RNF152: variants seen among roughly 807,000 people sequenced by gnomAD.
The protein encoded by RNF152 is E3 ubiquitin-protein ligase RNF152.
In RNF152, 11 loss-of-function variants were observed where a neutral mutation model predicts 12.7. The observed-to-expected ratio is 0.86, with a 90% CI of 0.54 to 1.43. RNF152 has a LOEUF of 1.43. RNF152 is among the 40% of genes most tolerant of loss of function. The probability of loss-of-function intolerance (pLI) is 0.00; values close to 1 mark genes in which losing one functional copy is unlikely to be tolerated. For missense variants in RNF152, 255 were observed against 274.8 expected (o/e 0.93, Z 0.51); for synonymous variants, 113 against 120.3 (o/e 0.94, Z 0.40).
chr18:61,883,967 C>A (rs9949601), intron 1 of RNF152, among the ~76,000 whole-genome samples: 1 of 151,916 alleles, frequency 6.6e-6, no homozygotes, highest in Non-Finnish European at 1.5e-5. Context: ...CCCATGTAAA[C>A]GCTGAAGGCT....
At chr18:61,825,535 T>A (rs1295302231) in intron 1 of RNF152, among the ~76,000 whole-genome samples, 1 of 152,172 alleles carries the variant, frequency 6.6e-6, no homozygotes, top group Non-Finnish European at 1.5e-5. Context: ...CCTGTCAGCA[T>A]CATACAGGGA....
chr18:61,811,278 A>G lies in RNF152; in HGVS notation c.*4574T>C, dbSNP rs973938740. ...AAAATCAAAATCTAGACTGGAATAA[A>G]TACCAGATTATCAGTAAGAATCTGG... is the stretch of plus-strand genomic sequence containing the variant. On this transcript the variant is annotated 3_prime_UTR_variant, in exon 2 of 2. Transcript: ENST00000312828. 3 of 152,242 alleles carry G rather than the reference A, an allele frequency of 2.0e-5. No homozygotes were observed. The highest frequency in any genetic ancestry group is 4.4e-5 in the Non-Finnish European group (3 of 68,050). The allele number at this position is 152,242 out of a possible 1,614,324, so 9.4% of individuals were successfully genotyped here. A position where few individuals can be genotyped will look rare whatever the true frequency, so the allele number is the denominator to read the frequency against.
chr18:61,869,035 A>G (rs533839176), intron 1 of RNF152, among the ~76,000 whole-genome samples: 1 of 152,322 alleles, frequency 6.6e-6, no homozygotes, highest in Admixed American at 6.5e-5. Context: ...TTTTATAAGC[A>G]TTTGAGGTTA....
intron 1 of RNF152, among the ~76,000 whole-genome samples, chr18:61,885,332 G>C (rs1013111364): frequency 4.5e-5 from 5 of 112,050 alleles, no homozygotes; most frequent in Admixed American, 9.1e-5. Flanking sequence ...GTTTGAGACA[G>C]AGCCTCGGTC....
chr18:61,833,925 G>A (rs888999145), intron 1 of RNF152, among the ~76,000 whole-genome samples: 8 of 152,138 alleles, frequency 5.3e-5, no homozygotes, highest in South Asian at 2.1e-4. Context: ...TATCAGATGC[G>A]CTAAGAATAC....
chr18:61,863,223 A>G (rs1393177139), intron 1 of RNF152, among the ~76,000 whole-genome samples: 1 of 152,110 alleles, frequency 6.6e-6, no homozygotes, highest in Admixed American at 6.6e-5. Flanking sequence ...TCAGCAGGTC[A>G]GGAGATCAAG....
At chr18:61,817,793 A>G (rs1292591082) in intron 1 of RNF152, among the ~76,000 whole-genome samples, 1 of 152,034 alleles carries the variant, frequency 6.6e-6, no homozygotes, top group Non-Finnish European at 1.5e-5. Context: ...AGGCAGAGAA[A>G]CTTAGTTCAA....
chr18:61,819,427 G>C (rs941568080), intron 1 of RNF152, among the ~76,000 whole-genome samples: 3 of 152,178 alleles, frequency 2.0e-5, no homozygotes, highest in Admixed American at 6.6e-5. Context: ...GGGTAGACTG[G>C]AAAGACCTAT....
At chr18:61,862,941 G>A (rs1183448297) in intron 1 of RNF152, among the ~76,000 whole-genome samples, 1 of 152,092 alleles carries the variant, frequency 6.6e-6, no homozygotes, top group East Asian at 1.9e-4. Flanking sequence ...AACTGAATTA[G>A]AGGATACTCA....
intron 1 of RNF152, among the ~76,000 whole-genome samples, chr18:61,866,095 C>T (rs982053539): frequency 1.3e-4 from 20 of 152,210 alleles, no homozygotes; most frequent in Non-Finnish European, 2.9e-5. Context: ...TGGCCATATA[C>T]TCCCACCTCC....
intron 1 of RNF152, among the ~76,000 whole-genome samples, chr18:61,821,039 C>T (rs1909379926): frequency 1.3e-5 from 2 of 152,250 alleles, no homozygotes; most frequent in South Asian, 2.1e-4. Context: ...TTCCTCTCCA[C>T]TCAGTCTAGT....
At chr18:61,885,781 G>A (rs537904333) in intron 1 of RNF152, among the ~76,000 whole-genome samples, 1 of 152,226 alleles carries the variant, frequency 6.6e-6, no homozygotes, top group African/African-American at 2.4e-5. Flanking sequence ...TAAAACAGAT[G>A]TATATCACAA....
rs56397865 is a variant in RNF152 at position 61,809,856 on chromosome 18, G to GAAAAAAAAAAAA, written c.*5984_*5995dup. On this transcript the variant is annotated 3_prime_UTR_variant, in exon 2 of 2. Coordinates refer to ENST00000312828, the MANE Select transcript of RNF152 (RefSeq NM_173557.3). ...TGGGATACCCCAGGCAGTGAATCCT[G>GAAAAAAAAAAAA]AAAAAAAAAAAAAAAAAAAAAGTCA... is the stretch of plus-strand genomic sequence containing the variant. The GAAAAAAAAAAAA allele has an allele frequency of 9.9e-6, 1 of 100,834 alleles. No homozygotes were observed. 6.2% of individuals were successfully genotyped at this position (100,834 alleles called of 1,614,324 possible). A position where few individuals can be genotyped will look rare whatever the true frequency, so the allele number is the denominator to read the frequency against.
intron 1 of RNF152, among the ~76,000 whole-genome samples, chr18:61,823,006 T>C (rs759049933): frequency 4.6e-5 from 7 of 152,248 alleles, no homozygotes; most frequent in Non-Finnish European, 7.3e-5. Context: ...TATTGGATCT[T>C]AGCAAACACT....
Position 61,816,183 on chromosome 18 carries a change from A to C in RNF152, c.281T>G (p.Leu94Arg), listed in dbSNP as rs1909075646. 6.2e-7 allele frequency: 1 copy of C among 1,614,208 alleles called. No homozygotes were observed. Residue 94 changes from leucine (L) to arginine (R), a missense_variant, in exon 2 of 2, where the codon CTT becomes CGT. Transcript: ENST00000312828. Reference protein sequence around the residue: ...TSEHTPVFIKLPSNGCYMLPL... With the variant: ...TSEHTPVFIKRPSNGCYMLPL... Reference sequence around the variant, plus strand: ...CAGCATGTAGCACCCATTGCTGGGAAGTTTGATGAAGACCGGGGTGTGTTC... The same window carrying C: ...CAGCATGTAGCACCCATTGCTGGGACGTTTGATGAAGACCGGGGTGTGTTC...
intron 1 of RNF152, among the ~76,000 whole-genome samples, chr18:61,830,022 C>CTTT: frequency 7.4e-6 from 1 of 135,854 alleles, no homozygotes; most frequent in Non-Finnish European, 1.7e-5. Flanking sequence ...TTCCAGAGAG[C>CTTT]TTCTTTTTTT....
Position 61,813,242 on chromosome 18 carries a change from T to C in RNF152, c.*2610A>G, listed in dbSNP as rs961534066. On this transcript the variant is annotated 3_prime_UTR_variant, in exon 2 of 2. Coordinates refer to ENST00000312828, the MANE Select transcript of RNF152 (RefSeq NM_173557.3). The stretch of plus-strand genomic sequence containing the variant: ...ACATCATTAAGCCTATAAAATTCTA[T>C]CTGGGAGACTGAGATTCTCTCTCTC... 6.6e-6 allele frequency: 1 copy of C among 151,044 alleles called. No individual in the cohort carries two copies. The highest frequency in any genetic ancestry group is 1.5e-5 in the Non-Finnish European group (1 of 68,136). The allele number at this position is 151,044 out of a possible 1,614,324, so 9.4% of individuals were successfully genotyped here.
intron 1 of RNF152, among the ~76,000 whole-genome samples, chr18:61,884,221 C>A (rs1302090287): frequency 7.9e-6 from 1 of 126,440 alleles, no homozygotes; most frequent in Admixed American, 8.2e-5. Flanking sequence ...CGGTTCTCCC[C>A]CATTTTGCAG....
In RNF152 at chr18:61,815,837, T is replaced by C; in HGVS notation, c.*15A>G. On this transcript the variant is annotated 3_prime_UTR_variant, in exon 2 of 2. Transcript: ENST00000312828. Reference sequence around the variant, plus strand: ...CCTAAGTTGGCACCCACAAGAGACTTCCCTGCAGCCCTCTTCAGCCACAGG... The same window carrying C: ...CCTAAGTTGGCACCCACAAGAGACTCCCCTGCAGCCCTCTTCAGCCACAGG... 6.2e-7 allele frequency: 1 copy of C among 1,608,388 alleles called. No individual in the cohort carries two copies. The highest frequency in any genetic ancestry group is 1.1e-5 in the South Asian group (1 of 90,680).
Sources: allele counts gnomAD v4.1 joint callset (sites outside exome capture counted in the v4.1 genomes callset), GRCh38; gene constraint gnomAD v4.1.1; transcripts MANE v1.5; gene names NCBI Gene and HGNC (gene_info 2026-07-23, HGNC 2026-07-21).